The following FBXW11 variants were observed in gnomAD, a reference collection of about 807,000 sequenced individuals.
The protein encoded by FBXW11 is F-box/WD repeat-containing protein 11.
A neutral mutation model predicts 77.6 loss-of-function variants in FBXW11; 19 were observed. That is an observed-to-expected ratio of 0.24 (90% CI 0.17 to 0.36). FBXW11 has a LOEUF of 0.36. FBXW11 is among the 10% of genes least tolerant of loss of function. FBXW11 has a pLI of 1.00. For synonymous variants in FBXW11, 235 were observed against 249.4 expected (o/e 0.94, Z 0.54); for missense variants, 334 against 704.2 (o/e 0.47, Z 5.95).
At chr5:171,899,706 T>C (rs1446088645) in intron 5 of FBXW11, among the ~76,000 whole-genome samples, 1 of 152,040 alleles carries the variant, frequency 6.6e-6, no homozygotes, top group African/African-American at 2.4e-5. Context: ...CCCATCAAAC[T>C]ATATAATACA....
At chr5:172,000,218 T>C (rs1766331636) in intron 1 of FBXW11, among the ~76,000 whole-genome samples, 1 of 152,226 alleles carries the variant, frequency 6.6e-6, no homozygotes, top group Non-Finnish European at 1.5e-5. Context: ...CTGTTAAGGT[T>C]AAAACCATCA....
chr5:171,914,105 A>G (rs138247820), intron 3 of FBXW11, among the ~76,000 whole-genome samples: 86 of 152,364 alleles, frequency 5.6e-4, no homozygotes, highest in African/African-American at 1.8e-3. Flanking sequence ...CCACAGACAG[A>G]ACATTTTAGG....
At chr5:171,925,188 C>T (rs967102664) in intron 2 of FBXW11, among the ~76,000 whole-genome samples, 5 of 152,168 alleles carry the variant, frequency 3.3e-5, no homozygotes, top group Admixed American at 2.6e-4. Context: ...AAAATTACCA[C>T]ACACACACTA....
At chr5:171,866,126 G>A (rs1426016956) in intron 13 of FBXW11, among the ~76,000 whole-genome samples, 2 of 152,198 alleles carry the variant, frequency 1.3e-5, no homozygotes, top group East Asian at 3.9e-4. Flanking sequence ...TCAGCTGGGT[G>A]TGATGGCACA....
At chr5:171,919,768 A>T (rs1761469912) in intron 2 of FBXW11, among the ~76,000 whole-genome samples, 1 of 152,220 alleles carries the variant, frequency 6.6e-6, no homozygotes. Context: ...TCTGTAAGAC[A>T]CTACCTTCCC....
rs116336396 is a variant in FBXW11 at position 171,955,504 on chromosome 5, C to T, written c.147+2093G>A. Reference sequence around the variant, plus strand: ...GAGAGCCCAAACCCAAATTAAGGCACGAAATTTTAGCACTGTTTGGAGACT... The same window carrying T: ...GAGAGCCCAAACCCAAATTAAGGCATGAAATTTTAGCACTGTTTGGAGACT... On this transcript the variant is annotated intron_variant, in intron 2 of 13. Transcript: ENST00000517395. Among the ~76,000 whole-genome samples the T allele has an allele frequency of 3.9e-5, 6 of 152,074 alleles. No homozygotes were observed. In the East Asian group the frequency reaches 7.7e-4, roughly 20 times the overall value.
chr5:171,936,866 A>C (rs1762508401), intron 2 of FBXW11, among the ~76,000 whole-genome samples: 1 of 152,182 alleles, frequency 6.6e-6, no homozygotes, highest in African/African-American at 2.4e-5. Context: ...ATAAAAAAGA[A>C]AAATTAGAAA....
At chr5:171,897,954 G>A (rs1416166422) in intron 6 of FBXW11, among the ~76,000 whole-genome samples, 2 of 152,172 alleles carry the variant, frequency 1.3e-5, no homozygotes, top group East Asian at 1.9e-4. Flanking sequence ...ACTGCCAATG[G>A]TCAATTAATT....
chr5:171,902,768 T>C (rs779855509), intron 4 of FBXW11, among the ~76,000 whole-genome samples: 5 of 152,330 alleles, frequency 3.3e-5, no homozygotes, highest in Admixed American at 1.3e-4. Flanking sequence ...AACCACAGGT[T>C]TTGCCACTAT....
intron 2 of FBXW11, among the ~76,000 whole-genome samples, chr5:171,944,446 G>A (rs939323125): frequency 1.3e-5 from 2 of 151,208 alleles, no homozygotes; most frequent in Non-Finnish European, 2.9e-5. Flanking sequence ...GAGGTGGCGG[G>A]CGCCTGTAGT....
chr5:171,866,435 A>G (rs145180202), intron 13 of FBXW11, among the ~76,000 whole-genome samples: 4,665 of 152,296 alleles, frequency 0.031, 101 homozygotes, highest in Middle Eastern at 0.058. Context: ...CCATTGACTT[A>G]TAATTGATCA....
rs754621894 is a variant in FBXW11 at position 171,877,974 on chromosome 5, G to A, written c.971+37C>T. Reference sequence around the variant, plus strand: ...TCAATCTCAGACTTTCTCAGGGAAGGCTTACAAGTTAAGAACAATGAAGCC... The same window carrying A: ...TCAATCTCAGACTTTCTCAGGGAAGACTTACAAGTTAAGAACAATGAAGCC... On this transcript the variant is annotated intron_variant, in intron 8 of 13. Transcript: ENST00000517395. 3 of 1,473,286 alleles carry A rather than the reference G, an allele frequency of 2.0e-6. No individual in the cohort carries two copies. The East Asian group carries it at 6.8e-5, about 34-fold the overall frequency. The allele number at this position is 1,473,286 out of a possible 1,614,324, so 91.3% of individuals were successfully genotyped here.
intron 4 of FBXW11, among the ~76,000 whole-genome samples, chr5:171,905,846 T>C (rs1760478765): frequency 6.6e-6 from 1 of 152,140 alleles, no homozygotes. Context: ...TGGCTCTCAT[T>C]ACTCTATCAT....
chr5:171,997,317 G>A (rs1766113764), intron 1 of FBXW11, among the ~76,000 whole-genome samples: 1 of 152,188 alleles, frequency 6.6e-6, no homozygotes, highest in Non-Finnish European at 1.5e-5. Context: ...ACTTCCAAAT[G>A]AGAGCAGCTA....
chr5:171,900,693 T>A (rs1760056161), intron 4 of FBXW11, among the ~76,000 whole-genome samples: 1 of 152,208 alleles, frequency 6.6e-6, no homozygotes, highest in Non-Finnish European at 1.5e-5. Flanking sequence ...TAAAGTCGAT[T>A]GTGCTTAAAT....
At chr5:171,967,855 CATATATATATAT>C (rs375683631) in intron 1 of FBXW11, among the ~76,000 whole-genome samples, 39,909 of 118,208 alleles carry the variant, frequency 0.34, 7,567 homozygotes, top group East Asian at 0.52. Flanking sequence ...AAAAAAAATG[CATATATATATAT>C]ATATATATAT....
intron 2 of FBXW11, among the ~76,000 whole-genome samples, chr5:171,949,412 C>T (rs182761358): frequency 4.2e-4 from 64 of 152,112 alleles, no homozygotes; most frequent in African/African-American, 1.5e-3. Context: ...AAATAAATTA[C>T]AGAGAAAATG....
At chr5:171,996,455 C>T (rs1427037199) in intron 1 of FBXW11, among the ~76,000 whole-genome samples, 1 of 152,078 alleles carries the variant, frequency 6.6e-6, no homozygotes, top group African/African-American at 2.4e-5. Context: ...TCATTCGAGC[C>T]CAGGAGTTCA....
intron 3 of FBXW11, among the ~76,000 whole-genome samples, chr5:171,913,149 T>C (rs998832343): frequency 1.8e-4 from 28 of 152,280 alleles, no homozygotes; most frequent in Admixed American, 1.2e-3. Flanking sequence ...CCAAATAACT[T>C]GCCAAAATAA....
Sources: allele counts gnomAD v4.1 joint callset (sites outside exome capture counted in the v4.1 genomes callset), GRCh38; gene constraint gnomAD v4.1.1; transcripts MANE v1.5; gene names NCBI Gene and HGNC (gene_info 2026-07-23, HGNC 2026-07-21).